The following TNN variants were observed in gnomAD, a reference collection of about 807,000 sequenced individuals.
TNN encodes the protein tenascin-N.
A neutral mutation model predicts 134.4 loss-of-function variants in TNN; 122 were observed. That is an observed-to-expected ratio of 0.91 (90% CI 0.78 to 1.06). TNN has a LOEUF of 1.06. TNN is among the 50% of genes least tolerant of loss of function. TNN has a pLI of 0.00. For missense variants in TNN, 1,739 were observed against 1,699.4 expected (o/e 1.02, Z -0.41); for synonymous variants, 710 against 670.3 (o/e 1.06, Z -0.91).
rs1675439301 is a variant in TNN, at chr1:175,123,683, C to T, written c.2914+20C>T. ...AGACAGGTACTGAGAGGGACCAGGC[C>T]AGGGGAACACCTCACACTTATCAGG... On this transcript the variant is annotated intron_variant, in intron 12 of 18. Transcript: ENST00000239462. 1 of 1,613,536 alleles carries T rather than the reference C, an allele frequency of 6.2e-7. No individual in the cohort carries two copies. Among genetic ancestry groups the T allele is most frequent in the South Asian group, 1.1e-5 (1 of 91,050 alleles).
At chr1:175,077,917 G>A in intron 2 of TNN, 90 bp downstream of exon 2, 1 of 1,329,930 alleles carries the variant, frequency 7.5e-7, no homozygotes, top group Non-Finnish European at 1.0e-6. Context: ...AGCACTTTGT[G>A]ACTCTGGTGT....
At chr1:175,111,314 G>A (rs190861470) in intron 9 of TNN, among the ~76,000 whole-genome samples, 27 of 150,308 alleles carry the variant, frequency 1.8e-4, no homozygotes, top group East Asian at 1.4e-3. Flanking sequence ...GTGAAACTCC[G>A]TCTCAAAACA....
intron 17 of TNN, among the ~76,000 whole-genome samples, chr1:175,142,571 C>A (rs561299091): frequency 6.6e-6 from 1 of 152,054 alleles, no homozygotes; most frequent in Non-Finnish European, 1.5e-5. Context: ...CTGTAGTTTC[C>A]GGTTCTGTAG....
intron 9 of TNN, among the ~76,000 whole-genome samples, chr1:175,116,365 T>A (rs1157081102): frequency 6.6e-6 from 1 of 152,198 alleles, no homozygotes; most frequent in East Asian, 1.9e-4. Flanking sequence ...ACATATCATT[T>A]TTTTCTCTTG....
At chr1:175,111,558 A>T (rs1465548897) in intron 9 of TNN, among the ~76,000 whole-genome samples, 3 of 148,262 alleles carry the variant, frequency 2.0e-5, no homozygotes, top group Non-Finnish European at 3.0e-5. Context: ...TTTGATACAG[A>T]TTGCATTGAA....
chr1:175,125,701 CTCTCTTTCTTTCTT>C (rs758854241), intron 12 of TNN, among the ~76,000 whole-genome samples: 11,036 of 102,116 alleles, frequency 0.11, 931 homozygotes, highest in African/African-American at 0.13. Context: ...TCTCTTTTTT[CTCTCTTTCTTTCTT>C]TCTTTCTTTC....
At position 175,094,180 on chromosome 1, in the gene TNN, G is replaced by C; in HGVS notation, c.1515G>C (p.Glu505Asp). The change falls in exon 7 of 19, where the codon GAG (glutamate) becomes GAC (aspartate). Residue 505 changes from glutamate (E) to aspartate (D), a missense_variant. Coordinates refer to ENST00000239462, the MANE Select transcript of TNN (RefSeq NM_022093.2). ...STVLTGLKPG[E>D]AYKVYVWAER... The stretch of plus-strand genomic sequence containing the variant: ...TCCTGACGGGCCTGAAGCCAGGAGA[G>C]GCATACAAGGTCTACGTGTGGGCTG... 1 of 1,614,156 alleles carries C rather than the reference G, an allele frequency of 6.2e-7. No homozygotes were observed. Among genetic ancestry groups the C allele is most frequent in the Non-Finnish European group, 8.5e-7 (1 of 1,179,994 alleles).
intron 9 of TNN, among the ~76,000 whole-genome samples, chr1:175,115,533 A>C (rs1675145114): frequency 6.6e-6 from 1 of 152,186 alleles, no homozygotes; most frequent in Admixed American, 6.5e-5. Context: ...AAGGTGTAAC[A>C]GTTGCTCACA....
intron 11 of TNN, among the ~76,000 whole-genome samples, chr1:175,121,577 GA>G (rs1675378306): frequency 6.6e-6 from 1 of 152,216 alleles, no homozygotes. Context: ...GACAAGGATA[GA>G]AGTTGGGAGG....
chr1:175,143,336 G>C (rs2101855813), intron 17 of TNN, among the ~76,000 whole-genome samples: 1 of 152,244 alleles, frequency 6.6e-6, no homozygotes, highest in Middle Eastern at 3.4e-3. Context: ...GATTGATATG[G>C]GCCCTTATTG....
chr1:175,098,729 C>A, intron 9 of TNN, 134 bp downstream of exon 9: 2 of 1,299,382 alleles, frequency 1.5e-6, no homozygotes, highest in South Asian at 1.5e-5. Flanking sequence ...TACATTGTGT[C>A]CCCCTCACTT....
intron 9 of TNN, among the ~76,000 whole-genome samples, chr1:175,101,029 T>C (rs1674708239): frequency 6.6e-6 from 1 of 152,232 alleles, no homozygotes; most frequent in African/African-American, 2.4e-5. Flanking sequence ...TCTTCTCTTC[T>C]AGCTATTTTG....
chr1:175,141,991 T>A (rs766676431), intron 17 of TNN, among the ~76,000 whole-genome samples: 2 of 152,162 alleles, frequency 1.3e-5, no homozygotes, highest in Non-Finnish European at 2.9e-5. Context: ...TAAGAGAGCC[T>A]CTGCACAGAT....
At position 175,070,829 on chromosome 1, in the gene TNN, C is replaced by A. The variant is rs1181757270; in HGVS notation, c.-36+2894C>A. Among the ~76,000 whole-genome samples, 3 of 152,294 alleles carry A rather than the reference C, an allele frequency of 2.0e-5. No individual in the cohort carries two copies. The Middle Eastern group carries it at 0.01, about 518-fold the overall frequency. ...GTGAGTTGAGCCAGGGTAGATTCCT[C>A]AGCCAGCTGAGAACTTGCTGTCCTG... On this transcript the variant is annotated intron_variant, in intron 1 of 18. Coordinates refer to ENST00000239462, the MANE Select transcript of TNN (RefSeq NM_022093.2).
chr1:175,095,354 G>A (rs1674543836), intron 7 of TNN, among the ~76,000 whole-genome samples: 1 of 152,152 alleles, frequency 6.6e-6, no homozygotes, highest in Non-Finnish European at 1.5e-5. Context: ...ACTTAACTCT[G>A]CCATTGGAGC....
Position 175,083,890 on chromosome 1 carries a change from A to T in TNN, c.1189A>T (p.Thr397Ser). ...PMTGQEVAEV[T>S]VPKSSDPKSR... ...GACAGGACAGGAGGTAGCTGAGGTCACTGTGCCCAAGAGCAGTGACCCCAA... is the reference window on the plus strand; with the variant it reads ...GACAGGACAGGAGGTAGCTGAGGTCTCTGTGCCCAAGAGCAGTGACCCCAA... Residue 397 changes from threonine (T) to serine (S), a missense_variant, in exon 5 of 19, where the codon ACT (threonine) becomes TCT (serine). Physicochemically the swap from Thr to Ser is moderately conservative, Grantham distance 58. Transcript: ENST00000239462. 1 of 1,614,174 alleles carries T rather than the reference A, an allele frequency of 6.2e-7. No individual in the cohort carries two copies. Among genetic ancestry groups the T allele is most frequent in the Middle Eastern group, 1.6e-4 (1 of 6,062 alleles).
chr1:175,124,787 T>G (rs578162557), intron 12 of TNN, among the ~76,000 whole-genome samples: 1 of 152,358 alleles, frequency 6.6e-6, no homozygotes, highest in East Asian at 1.9e-4. Flanking sequence ...CAGTTCTCCC[T>G]TCTTCCCTCT....
chr1:175,096,277 G>T (rs916021247), intron 7 of TNN, among the ~76,000 whole-genome samples: 1 of 152,240 alleles, frequency 6.6e-6, no homozygotes, highest in African/African-American at 2.4e-5. Flanking sequence ...AGGCTAAGTT[G>T]TGAGAATATG....
In TNN at chr1:175,079,805, T is replaced by G. The variant is rs1028133365; in HGVS notation, c.784+98T>G. On this transcript the variant is annotated intron_variant, in intron 3 of 18. Transcript: ENST00000239462. ...TTGTCATCTTTGGGGGTCTCTTCCT[T>G]TAGCCTACGCCAGATTGCTGAGTCC... The G allele has an allele frequency of 2.8e-6, 4 of 1,430,684 alleles. No individual in the cohort carries two copies. The Admixed American group carries it at 7.8e-5, about 28-fold the overall frequency. 88.6% of individuals were successfully genotyped at this position (1,430,684 alleles called of 1,614,324 possible).
Sources: gnomAD v4.1 joint callset for allele counts (sites outside exome capture counted in the v4.1 genomes callset) on GRCh38, gnomAD v4.1.1 for gene constraint, MANE v1.5 for transcripts, NCBI Gene and HGNC (gene_info 2026-07-23, HGNC 2026-07-21) for gene names.